The following PTPRM variants were observed in gnomAD, a reference collection of about 807,000 sequenced individuals.
PTPRM encodes protein tyrosine phosphatase receptor type M.
A neutral mutation model predicts 186.7 loss-of-function variants in PTPRM; 47 were observed. The observed-to-expected ratio is 0.25, with a 90% CI of 0.20 to 0.32. The LOEUF is 0.32. PTPRM is among the 10% of genes least tolerant of loss of function. The pLI, the probability that PTPRM is intolerant of heterozygous loss-of-function variation, is 1.00. For synonymous variants in PTPRM, 668 were observed against 674.9 expected, an observed-to-expected ratio of 0.99 and a Z score of 0.16; for missense variants, 1,494 against 1,865.0, an observed-to-expected ratio of 0.80 and a Z score of 3.66.
At chr18:8,252,620 T>C in intron 18 of PTPRM, 121 bp downstream of exon 18, 2 of 960,462 alleles carry the variant, frequency 2.1e-6, no homozygotes, top group Non-Finnish European at 3.4e-6. Context: ...TTTGCCTTTG[T>C]AGAACATTCC....
intron 17 of PTPRM, chr18:8,251,697 A>G (rs2094529512): frequency 1.3e-5 from 2 of 152,248 alleles, no homozygotes; most frequent in Non-Finnish European, 2.9e-5. Flanking sequence ...ATGCATCCCC[A>G]GGTGCTTTGC....
chr18:8,149,292 C>T (rs1332108470), intron 14 of PTPRM, among the ~76,000 whole-genome samples: 3 of 152,176 alleles, frequency 2.0e-5, no homozygotes, highest in African/African-American at 4.8e-5. Flanking sequence ...ATCTAAGTCT[C>T]TTTGTAAGTC....
At chr18:8,401,468 C>T (rs2095871795) in intron 32 of PTPRM, among the ~76,000 whole-genome samples, 1 of 152,188 alleles carries the variant, frequency 6.6e-6, no homozygotes, top group African/African-American at 2.4e-5. Context: ...GTAATAGGGC[C>T]CACGCTGCCC....
chr18:8,310,047 T>C (rs1184720023), intron 20 of PTPRM, among the ~76,000 whole-genome samples: 2 of 152,124 alleles, frequency 1.3e-5, no homozygotes, highest in Non-Finnish European at 2.9e-5. Context: ...CAAGCTGGCT[T>C]TTCTCCATGG....
chr18:8,400,767 A>C (rs189318433), intron 32 of PTPRM, among the ~76,000 whole-genome samples: 6 of 152,264 alleles, frequency 3.9e-5, no homozygotes, highest in Non-Finnish European at 4.4e-5. Context: ...TACAAAATGC[A>C]ATGTGGTGTG....
chr18:7,890,205 C>T (rs189437543), intron 3 of PTPRM, among the ~76,000 whole-genome samples: 454 of 152,230 alleles, frequency 3.0e-3, no homozygotes, highest in Middle Eastern at 6.8e-3. Flanking sequence ...TTCTTTAATT[C>T]CTTTGGCTCA....
At chr18:8,228,868 A>AAAAAGG (rs1161662427) in intron 14 of PTPRM, among the ~76,000 whole-genome samples, 7 of 152,068 alleles carry the variant, frequency 4.6e-5, no homozygotes, top group Admixed American at 1.3e-4. Context: ...AAAGAAAAAG[A>AAAAAGG]AAAAGAAAAA....
Position 8,253,251 on chromosome 18 carries a change from A to G in PTPRM, c.2591A>G (p.Asp864Gly). 6.5e-7 allele frequency: 1 copy of G among 1,537,248 alleles called. No individual in the cohort carries two copies. Among genetic ancestry groups the G allele is most frequent in the Non-Finnish European group, 8.8e-7 (1 of 1,140,300 alleles). The change falls in exon 19 of 33, where the codon GAT becomes GGT. Residue 864 changes from aspartate to glycine, a missense_variant. Physicochemically the swap from Asp to Gly is moderately conservative, Grantham distance 94 (BLOSUM62 -1). Transcript: ENST00000580170. The stretch of plus-strand genomic sequence containing the variant: ...GATGAAACCCACACAATGGCCAGCG[A>G]TACCAGCAGCCTGGTGCAGTCCCAT... ...INDETHTMAS[D>G]TSSLVQSHTY...
At chr18:8,029,309 GCC>G (rs1568213143) in intron 7 of PTPRM, among the ~76,000 whole-genome samples, 7 of 138,150 alleles carry the variant, frequency 5.1e-5, no homozygotes, top group African/African-American at 2.0e-4. Flanking sequence ...TGTTTGGAGT[GCC>G]CCTCCTCCAC....
chr18:7,667,668 C>T (rs544494185), intron 1 of PTPRM, among the ~76,000 whole-genome samples: 1 of 152,174 alleles, frequency 6.6e-6, no homozygotes, highest in Admixed American at 6.5e-5. Flanking sequence ...AACAGCTTTT[C>T]GAATAGCTCT....
intron 5 of PTPRM, among the ~76,000 whole-genome samples, chr18:7,940,416 G>A (rs1440779129): frequency 6.6e-6 from 1 of 152,190 alleles, no homozygotes; most frequent in African/African-American, 2.4e-5. Context: ...GTGGTGCCAA[G>A]TAGGAGCATG....
intron 1 of PTPRM, among the ~76,000 whole-genome samples, chr18:7,580,902 GGAA>G (rs2036827199): frequency 6.6e-6 from 1 of 152,186 alleles, no homozygotes; most frequent in Non-Finnish European, 1.5e-5. Flanking sequence ...GTGGCTGCTA[GGAA>G]GATATTAAGT....
intron 14 of PTPRM, among the ~76,000 whole-genome samples, chr18:8,243,237 CTA>C (rs2094448152): frequency 6.6e-6 from 1 of 152,276 alleles, no homozygotes; most frequent in Non-Finnish European, 1.5e-5. Context: ...CAGGATTAAC[CTA>C]TGTCTCCAAA....
At chr18:8,226,233 C>T (rs1200113174) in intron 14 of PTPRM, among the ~76,000 whole-genome samples, 1 of 152,008 alleles carries the variant, frequency 6.6e-6, no homozygotes, top group Non-Finnish European at 1.5e-5. Context: ...AAAAGCAATC[C>T]CTTCTGTTCC....
At chr18:7,712,812 A>G (rs2040241034) in intron 1 of PTPRM, among the ~76,000 whole-genome samples, 1 of 152,008 alleles carries the variant, frequency 6.6e-6, no homozygotes, top group African/African-American at 2.4e-5. Flanking sequence ...TGAAGAGAAG[A>G]TTAGAGAAAA....
chr18:8,290,345 C>T (rs374748423), intron 19 of PTPRM, among the ~76,000 whole-genome samples: 14 of 152,086 alleles, frequency 9.2e-5, no homozygotes, highest in African/African-American at 2.2e-4. Flanking sequence ...ACATTATGTA[C>T]GGCCTTGACC....
chr18:7,589,556 C>G (rs1231846813), intron 1 of PTPRM, among the ~76,000 whole-genome samples: 1 of 152,026 alleles, frequency 6.6e-6, no homozygotes, highest in Non-Finnish European at 1.5e-5. Context: ...CCCTGCAACT[C>G]CCCCCCACCA....
At chr18:8,282,758 A>G (rs990498230) in intron 19 of PTPRM, among the ~76,000 whole-genome samples, 3 of 152,190 alleles carry the variant, frequency 2.0e-5, no homozygotes, top group South Asian at 2.1e-4. Flanking sequence ...AAAAATTTAT[A>G]TCCCCACAAA....
chr18:7,854,362 C>A (rs1412388023), intron 2 of PTPRM, among the ~76,000 whole-genome samples: 1 of 152,028 alleles, frequency 6.6e-6, no homozygotes, highest in Non-Finnish European at 1.5e-5. Context: ...TATATTACCC[C>A]TTTACACTTC....
Sources: allele counts gnomAD v4.1 joint callset (sites outside exome capture counted in the v4.1 genomes callset), GRCh38; gene constraint gnomAD v4.1.1; transcripts MANE v1.5; gene names NCBI Gene and HGNC (gene_info 2026-07-23, HGNC 2026-07-21).